PTPRR: variants seen among roughly 807,000 people sequenced by gnomAD.
The protein encoded by PTPRR is protein tyrosine phosphatase receptor type R, also known as receptor-type tyrosine-protein phosphatase R.
PTPRR carries 38 observed loss-of-function variants against 77.2 expected under a neutral mutation model. The ratio of observed to expected loss-of-function variants is 0.49; its 90% CI spans 0.38 to 0.65. PTPRR has a LOEUF of 0.65. Among genes scored for constraint, PTPRR ranks in the 30% least tolerant of loss-of-function variants. The probability of loss-of-function intolerance (pLI) is 0.00; values close to 1 mark genes in which losing one functional copy is unlikely to be tolerated. For missense variants in PTPRR, 744 were observed against 799.2 expected, an observed-to-expected ratio of 0.93 and a Z score of 0.83; for synonymous variants, 299 against 283.1, an observed-to-expected ratio of 1.06 and a Z score of -0.57.
chr12:70,774,386 T>C (rs556048477), intron 2 of PTPRR, among the ~76,000 whole-genome samples: 5 of 152,268 alleles, frequency 3.3e-5, no homozygotes, highest in African/African-American at 1.2e-4. Context: ...AGTATTACAG[T>C]TTCAGACTGA....
chr12:70,642,107 T>TA lies in PTPRR; in HGVS notation c.1881-2831dup, dbSNP rs143205819. ...CTTATTTTCTCTTCCAGCTGCACGT[T>TA]AGAGACCAATAGATCTGTGTTTGCA... On this transcript the variant is annotated intron_variant, in intron 13 of 13. Coordinates refer to ENST00000283228, the MANE Select transcript of PTPRR (RefSeq NM_002849.4). Among the ~76,000 whole-genome samples, 111 of 152,240 alleles carry TA rather than the reference T, an allele frequency of 7.3e-4. 2 individuals carry two copies. The highest frequency in any genetic ancestry group is 2.6e-3 in the African/African-American group (108 of 41,554).
chr12:70,751,090 T>C (rs991056813), intron 5 of PTPRR, among the ~76,000 whole-genome samples: 1 of 151,958 alleles, frequency 6.6e-6, no homozygotes, highest in African/African-American at 2.4e-5. Flanking sequence ...AAGACAGTGT[T>C]TGAAATCCAT....
chr12:70,869,460 G>GA (rs1291562898), intron 2 of PTPRR, among the ~76,000 whole-genome samples: 3 of 152,196 alleles, frequency 2.0e-5, no homozygotes, highest in Non-Finnish European at 4.4e-5. Flanking sequence ...TATCCATGGA[G>GA]AAATCAACAG....
intron 2 of PTPRR, among the ~76,000 whole-genome samples, chr12:70,830,564 A>G (rs1892194082): frequency 6.6e-6 from 1 of 152,224 alleles, no homozygotes; most frequent in Non-Finnish European, 1.5e-5. Context: ...AGGGCAATTA[A>G]TATGCATGAA....
intron 1 of PTPRR, among the ~76,000 whole-genome samples, chr12:70,914,691 C>T (rs1436051776): frequency 6.6e-6 from 1 of 152,098 alleles, no homozygotes; most frequent in Non-Finnish European, 1.5e-5. Flanking sequence ...GGTACTGTGG[C>T]TCACACCTGT....
chr12:70,882,265 A>G (rs575112219), intron 2 of PTPRR, among the ~76,000 whole-genome samples: 1 of 152,266 alleles, frequency 6.6e-6, no homozygotes, highest in African/African-American at 2.4e-5. Context: ...TTCCTTTTGG[A>G]ACTATTCCTT....
chr12:70,736,198 A>T (rs1438423478), intron 6 of PTPRR, among the ~76,000 whole-genome samples: 3 of 152,162 alleles, frequency 2.0e-5, no homozygotes, highest in Non-Finnish European at 4.4e-5. Context: ...TGAGACAGAC[A>T]ATGTGCTTCT....
chr12:70,764,854 T>C (rs998325139), intron 2 of PTPRR, 76 bp from the exon 3 acceptor site: 2 of 1,082,060 alleles, frequency 1.8e-6, no homozygotes, highest in African/African-American at 3.1e-5. Context: ...TCCAAATAAG[T>C]ATTAATAAGT....
chr12:70,722,944 C>T (rs961901118), intron 6 of PTPRR, among the ~76,000 whole-genome samples: 9 of 152,208 alleles, frequency 5.9e-5, no homozygotes, highest in African/African-American at 1.9e-4. Flanking sequence ...GAAAAAGATT[C>T]TTGGCAGCAT....
intron 2 of PTPRR, among the ~76,000 whole-genome samples, chr12:70,873,968 A>G (rs1039894042): frequency 5.3e-5 from 8 of 152,160 alleles, no homozygotes; most frequent in African/African-American, 1.9e-4. Context: ...ATTTTAGGTT[A>G]AAAAGTTTTC....
At chr12:70,763,022 C>G (rs79214920) in intron 3 of PTPRR, among the ~76,000 whole-genome samples, 3,157 of 151,960 alleles carry the variant, frequency 0.021, 123 homozygotes, top group African/African-American at 0.071. Flanking sequence ...ATATCTATAT[C>G]ATCTCTCTAT....
At chr12:70,831,870 G>T (rs973521136) in intron 2 of PTPRR, among the ~76,000 whole-genome samples, 8 of 152,264 alleles carry the variant, frequency 5.3e-5, no homozygotes, top group Non-Finnish European at 1.2e-4. Context: ...CTTGCCGCTT[G>T]AACTGAGGGG....
chr12:70,748,771 C>T (rs1204951664), intron 5 of PTPRR, among the ~76,000 whole-genome samples: 1 of 152,120 alleles, frequency 6.6e-6, no homozygotes, highest in Non-Finnish European at 1.5e-5. Flanking sequence ...ATGCCACCAA[C>T]CACTAGTCTT....
At chr12:70,882,392 T>C (rs1893164403) in intron 2 of PTPRR, among the ~76,000 whole-genome samples, 1 of 152,102 alleles carries the variant, frequency 6.6e-6, no homozygotes, top group South Asian at 2.1e-4. Context: ...GCCCACCCCC[T>C]GGCTTCCCAG....
rs373830996 is a variant in PTPRR at position 70,909,790 on chromosome 12, G to A, written c.58+10543C>T. 1.6e-4 allele frequency among the ~76,000 whole-genome samples: 24 copies of A among 152,288 alleles called. No individual in the cohort carries two copies. The East Asian group carries it at 3.1e-3, about 20-fold the overall frequency. ...GTAGGGTAGCAGAAGTGATGATACC[G>A]CATGTCCTACCCAATCCCTGAGACT... On this transcript the variant is annotated intron_variant, in intron 1 of 13. Transcript: ENST00000283228.
At chr12:70,732,656 G>T (rs1208156764) in intron 6 of PTPRR, among the ~76,000 whole-genome samples, 1 of 152,182 alleles carries the variant, frequency 6.6e-6, no homozygotes, top group Non-Finnish European at 1.5e-5. Context: ...CGCATCCTGG[G>T]TTCAAGCAAT....
intron 2 of PTPRR, among the ~76,000 whole-genome samples, chr12:70,878,189 A>G (rs1477930186): frequency 1.3e-5 from 2 of 152,152 alleles, no homozygotes; most frequent in Admixed American, 6.5e-5. Context: ...CATAGGCATG[A>G]GCAAGGACTT....
At chr12:70,651,918 G>A (rs574784531) in intron 13 of PTPRR, among the ~76,000 whole-genome samples, 12 of 151,224 alleles carry the variant, frequency 7.9e-5, no homozygotes, top group Non-Finnish European at 1.6e-4. Context: ...AAAAAAATTA[G>A]GCCAAGATGC....
chr12:70,720,510 T>A (rs1169780659), intron 6 of PTPRR, among the ~76,000 whole-genome samples: 1 of 48,658 alleles, frequency 2.1e-5, no homozygotes, highest in South Asian at 1.1e-3. Context: ...ACCCTGGTAA[T>A]TTTTTTTTTT....
Sources: gnomAD v4.1 joint callset for allele counts (sites outside exome capture counted in the v4.1 genomes callset) on GRCh38, gnomAD v4.1.1 for gene constraint, MANE v1.5 for transcripts, NCBI Gene and HGNC (gene_info 2026-07-23, HGNC 2026-07-21) for gene names.